Variants in HDGFL2 observed in about 807,000 individuals in gnomAD.
The protein encoded by HDGFL2 is HDGF like 2.
A neutral mutation model predicts 77.1 loss-of-function variants in HDGFL2; 36 were observed. The observed-to-expected ratio is 0.47, with a 90% CI of 0.36 to 0.62. The LOEUF is 0.62. Among genes scored for constraint, HDGFL2 ranks in the 20% least tolerant of loss-of-function variants. The pLI, the probability that HDGFL2 is intolerant of heterozygous loss-of-function variation, is 0.00. For missense variants in HDGFL2, 976 were observed against 973.4 expected (o/e 1.00, Z -0.04); for synonymous variants, 463 against 413.1 (o/e 1.12, Z -1.46).
intron 9 of HDGFL2, among the ~76,000 whole-genome samples, chr19:4,495,769 A>C (rs1046673330): frequency 3.9e-5 from 6 of 152,026 alleles, no homozygotes; most frequent in Admixed American, 3.9e-4. Flanking sequence ...GCGTGGGAGC[A>C]GGTAGGAGGC....
intron 14 of HDGFL2, 90 bp downstream of exon 14, chr19:4,499,794 C>T (rs1183113283): frequency 2.9e-6 from 3 of 1,049,246 alleles, no homozygotes; most frequent in Non-Finnish European, 4.1e-6. Flanking sequence ...GGGAGTACAG[C>T]TCTACTCTCT....
intron 3 of HDGFL2, among the ~76,000 whole-genome samples, chr19:4,479,841 A>G (rs1251372228): frequency 1.4e-5 from 2 of 145,818 alleles, no homozygotes; most frequent in Non-Finnish European, 3.0e-5. Flanking sequence ...GGGAGGCGGA[A>G]GTTGCAGTGA....
chr19:4,491,263 C>T (rs1975501627), intron 4 of HDGFL2, among the ~76,000 whole-genome samples: 1 of 97,236 alleles, frequency 1.0e-5, no homozygotes, highest in Non-Finnish European at 2.3e-5. Context: ...ACCCCCCCAC[C>T]CCCCCACCCC....
Position 4,475,593 on chromosome 19 carries a change from C to A in HDGFL2, c.288+10C>A. On this transcript the variant is annotated intron_variant, in intron 3 of 15. Coordinates refer to ENST00000616600, the MANE Select transcript of HDGFL2 (RefSeq NM_001001520.3). ...CTACAGCGCCCCTCCGGTGAGTACC[C>A]GGGGTGGAGAGCCAGTGTGAAGCGC... The A allele has an allele frequency of 1.3e-6, 2 of 1,565,046 alleles. No individual in the cohort carries two copies. The highest frequency in any genetic ancestry group is 8.6e-7 in the Non-Finnish European group (1 of 1,162,402).
At chr19:4,478,630 C>T (rs537093600) in intron 3 of HDGFL2, among the ~76,000 whole-genome samples, 204 of 151,944 alleles carry the variant, frequency 1.3e-3, no homozygotes, top group Middle Eastern at 3.4e-3. Context: ...CCACTTGCAT[C>T]GCCTTTTGGT....
At chr19:4,493,243 ATGTGTGTTGTCTGTGTGTGTGTGTGGTG>A (rs1324681783) in intron 6 of HDGFL2, among the ~76,000 whole-genome samples, 5 of 67,958 alleles carry the variant, frequency 7.4e-5, no homozygotes, top group South Asian at 4.6e-4. Flanking sequence ...TCTGTGTGGT[ATGTGTGTTGTCTGTGTGTGTGTGTGGTG>A]TGTGTGTTGT....
chr19:4,498,827 G>C lies in HDGFL2; in HGVS notation c.1487G>C (p.Cys496Ser). 1 of 1,608,964 alleles carries C rather than the reference G, an allele frequency of 6.2e-7. No individual in the cohort carries two copies. Among genetic ancestry groups the C allele is most frequent in the South Asian group, 1.1e-5 (1 of 90,158 alleles). Residue 496 changes from cysteine to serine, a missense_variant, in exon 13 of 16, where the codon TGC becomes TCC. Physicochemically the swap from Cys to Ser is moderately radical, Grantham distance 112. Transcript: ENST00000616600. The stretch of plus-strand genomic sequence containing the variant: ...CCCACCCTGCAGGACGTGAAGAGGT[G>C]CCTGAATGCCCTAGAGGAGCTGGGA... ...LKVDSPDVKRCLNALEELGTL... is the reference protein window; with the variant it reads ...LKVDSPDVKRSLNALEELGTL...
intron 3 of HDGFL2, among the ~76,000 whole-genome samples, chr19:4,482,026 C>CTTTTTTTTTTTTT (rs34398630): frequency 7.0e-5 from 5 of 71,660 alleles, no homozygotes; most frequent in East Asian, 5.0e-4. Context: ...TGGCTTTGGC[C>CTTTTTTTTTTTTT]TTTTTTTTTT....
intron 15 of HDGFL2, 87 bp downstream of exon 15, chr19:4,501,404 G>C: frequency 6.9e-7 from 1 of 1,455,370 alleles, no homozygotes; most frequent in Non-Finnish European, 9.2e-7. Context: ...TCCTGTGCCA[G>C]TCCCTCTGGG....
At chr19:4,487,110 G>A (rs754900456) in intron 3 of HDGFL2, among the ~76,000 whole-genome samples, 6 of 151,648 alleles carry the variant, frequency 4.0e-5, no homozygotes, top group African/African-American at 7.3e-5. Context: ...GATTACAGGC[G>A]CCCGCCACCA....
At chr19:4,478,949 C>T (rs1329658539) in intron 3 of HDGFL2, among the ~76,000 whole-genome samples, 4 of 151,718 alleles carry the variant, frequency 2.6e-5, no homozygotes, top group African/African-American at 9.7e-5. Flanking sequence ...TCCCAAAGTG[C>T]TGGGATTACA....
At chr19:4,482,040 T>G (rs113923458) in intron 3 of HDGFL2, among the ~76,000 whole-genome samples, 1 of 136,108 alleles carries the variant, frequency 7.3e-6, no homozygotes, top group African/African-American at 2.8e-5. Flanking sequence ...TTTTTTTTTT[T>G]TTTTTTTTTT....
chr19:4,476,485 G>T (rs529452939), intron 3 of HDGFL2, among the ~76,000 whole-genome samples: 117 of 151,988 alleles, frequency 7.7e-4, no homozygotes, highest in African/African-American at 2.7e-3. Context: ...GAGCCACTGC[G>T]CTTGGCCAGC....
intron 12 of HDGFL2, among the ~76,000 whole-genome samples, chr19:4,498,602 C>T (rs1248313888): frequency 6.6e-6 from 1 of 152,032 alleles, no homozygotes. Context: ...TGTGTGGAGG[C>T]CCCCAGGACC....
intron 13 of HDGFL2, 118 bp from the exon 14 acceptor site, chr19:4,499,373 A>T (rs1975793521): frequency 1.2e-6 from 1 of 800,688 alleles, no homozygotes; most frequent in Non-Finnish European, 2.0e-6. Context: ...TGCCTGCTGC[A>T]CAGAGCTGTG....
intron 3 of HDGFL2, among the ~76,000 whole-genome samples, chr19:4,477,221 C>T (rs1975095245): frequency 6.6e-6 from 1 of 152,126 alleles, no homozygotes; most frequent in South Asian, 2.1e-4. Context: ...ACACCTGCCA[C>T]GCACACGTGC....
intron 12 of HDGFL2, 69 bp downstream of exon 12, chr19:4,498,445 T>C: frequency 7.9e-7 from 1 of 1,271,024 alleles, no homozygotes; most frequent in Non-Finnish European, 1.1e-6. Context: ...CCCTTAGATG[T>C]CTCGGGAAAC....
At chr19:4,484,088 C>CTTTT (rs577665698) in intron 3 of HDGFL2, among the ~76,000 whole-genome samples, 5 of 122,684 alleles carry the variant, frequency 4.1e-5, no homozygotes, top group Non-Finnish European at 3.4e-5. Flanking sequence ...TGCACCCGGC[C>CTTTT]TTTTTTTTTT....
rs1599715768 is a variant in HDGFL2, at chr19:4,491,986, G to T, written c.678+151G>T. 5 of 693,592 alleles carry T rather than the reference G, an allele frequency of 7.2e-6. No homozygotes were observed. In the East Asian group the frequency reaches 1.4e-4, roughly 19 times the overall value. The allele number at this position is 693,592 out of a possible 1,614,324, so 43.0% of individuals were successfully genotyped here. ...GGGGACCGCCTCTGCCCTGAGCGTG[G>T]CACCTCGTTATGGCCGCACTGCCTC... On this transcript the variant is annotated intron_variant, in intron 6 of 15. Coordinates refer to ENST00000616600, the MANE Select transcript of HDGFL2 (RefSeq NM_001001520.3).
Sources: allele counts gnomAD v4.1 joint callset (sites outside exome capture counted in the v4.1 genomes callset), GRCh38; gene constraint gnomAD v4.1.1; transcripts MANE v1.5; gene names NCBI Gene and HGNC (gene_info 2026-07-23, HGNC 2026-07-21).